DLGAP1: variants seen among roughly 807,000 people sequenced by gnomAD.
DLGAP1 encodes the protein disks large-associated protein 1.
In DLGAP1, 11 loss-of-function variants were observed where a neutral mutation model predicts 90.8. The observed-to-expected ratio is 0.12, with a 90% confidence interval of 0.08 to 0.20. DLGAP1 has a LOEUF of 0.20. Among genes scored for constraint, DLGAP1 ranks in the 10% least tolerant of loss-of-function variants. The probability of loss-of-function intolerance (pLI) is 1.00; values close to 1 mark genes in which losing one functional copy is unlikely to be tolerated. For missense variants in DLGAP1, 1,050 were observed against 1,333.8 expected (o/e 0.79, Z 3.31); for synonymous variants, 558 against 540.7 (o/e 1.03, Z -0.44).
At chr18:4,363,951 G>A (rs1473460294) in intron 1 of DLGAP1, among the ~76,000 whole-genome samples, 1 of 151,972 alleles carries the variant, frequency 6.6e-6, no homozygotes, top group Non-Finnish European at 1.5e-5. Flanking sequence ...AAAGACATAT[G>A]CACACGTATG....
chr18:3,543,873 G>C (rs1436356728), intron 9 of DLGAP1, among the ~76,000 whole-genome samples: 1 of 151,878 alleles, frequency 6.6e-6, no homozygotes, highest in Non-Finnish European at 1.5e-5. Flanking sequence ...TGGAAGAGGA[G>C]AGAACTGCAC....
At chr18:4,331,916 T>G (rs2080961225) in intron 1 of DLGAP1, among the ~76,000 whole-genome samples, 1 of 151,926 alleles carries the variant, frequency 6.6e-6, no homozygotes, top group African/African-American at 2.4e-5. Context: ...TGTCAGACAC[T>G]AAGCTTCATG....
intron 3 of DLGAP1, among the ~76,000 whole-genome samples, chr18:3,948,509 C>T (rs1167591433): frequency 2.6e-5 from 4 of 152,258 alleles, no homozygotes; most frequent in East Asian, 1.9e-4. Flanking sequence ...GTGGATCTAG[C>T]GTGTTGTCTT....
chr18:4,014,297 A>G (rs2074483445), intron 2 of DLGAP1, among the ~76,000 whole-genome samples: 1 of 151,908 alleles, frequency 6.6e-6, no homozygotes. Context: ...TGTTGGCCAG[A>G]TGGTCTCGAT....
intron 7 of DLGAP1, among the ~76,000 whole-genome samples, chr18:3,602,014 A>AAT (rs1939481156): frequency 6.6e-6 from 1 of 151,848 alleles, no homozygotes; most frequent in African/African-American, 2.4e-5. Flanking sequence ...TTCTCAAATG[A>AAT]ATGAATAAAT....
chr18:3,813,440 A>G (rs975881893), intron 5 of DLGAP1, among the ~76,000 whole-genome samples: 32 of 152,276 alleles, frequency 2.1e-4, no homozygotes, highest in Non-Finnish European at 3.2e-4. Context: ...TCGCTTAATG[A>G]TGCATTTCTC....
At chr18:3,664,353 A>G (rs1380857307) in intron 7 of DLGAP1, among the ~76,000 whole-genome samples, 2 of 152,178 alleles carry the variant, frequency 1.3e-5, no homozygotes, top group East Asian at 1.9e-4. Flanking sequence ...ATCATAAGGT[A>G]TAATATAATG....
chr18:3,849,438 A>AAGG (rs2069209860), intron 4 of DLGAP1, among the ~76,000 whole-genome samples: 1 of 152,062 alleles, frequency 6.6e-6, no homozygotes, highest in African/African-American at 2.4e-5. Context: ...GCAGGAAATA[A>AAGG]ACACTTTGAG....
chr18:3,581,737 C>A (rs2055531764), intron 8 of DLGAP1, 138 bp downstream of exon 8: 7 of 1,037,752 alleles, frequency 6.7e-6, no homozygotes, highest in Non-Finnish European at 5.7e-6. Context: ...AGTCCACAGC[C>A]AATCACTTGA....
At chr18:4,200,719 A>T (rs1468125903) in intron 1 of DLGAP1, among the ~76,000 whole-genome samples, 1 of 152,126 alleles carries the variant, frequency 6.6e-6, no homozygotes, top group Non-Finnish European at 1.5e-5. Flanking sequence ...TTATTTTAAG[A>T]CAAATGCCAC....
At chr18:4,265,749 G>A (rs1279715050) in intron 1 of DLGAP1, among the ~76,000 whole-genome samples, 1 of 148,872 alleles carries the variant, frequency 6.7e-6, no homozygotes, top group Non-Finnish European at 1.5e-5. Context: ...CTGCAATGGT[G>A]CACTCATGTC....
At chr18:4,269,185 C>T (rs1412260085) in intron 1 of DLGAP1, among the ~76,000 whole-genome samples, 1 of 151,550 alleles carries the variant, frequency 6.6e-6, no homozygotes, top group Non-Finnish European at 1.5e-5. Flanking sequence ...ATGTATCCAA[C>T]AAACGCCAGC....
At position 3,879,613 on chromosome 18, in the gene DLGAP1, C is replaced by T. The variant is rs2071096430; in HGVS notation, c.456G>A (p.Ser152=). The T allele has an allele frequency of 5.0e-6, 8 of 1,603,086 alleles. No individual in the cohort carries two copies. In the South Asian group the frequency reaches 6.6e-5, roughly 13 times the overall value. Residue 152 remains serine (S), a synonymous_variant, in exon 4 of 13, where the codon TCG becomes TCA. Coordinates refer to ENST00000315677, the MANE Select transcript of DLGAP1 (RefSeq NM_004746.4). This position sits in a 1 kb window ranked among gnomAD's most constrained non-coding sequence, Gnocchi z 6.6. ...CCTTGGACGGCCCCTCCAGGGAGTG[C>T]GACTTGGTGAAGAGCTTCTGGACCG... ...VHSVQKLFTK[S]HSLEGPSKGS...
rs34227245 is a variant in DLGAP1 at position 4,226,683 on chromosome 18, CAAA to C, written c.-266-75399_-266-75397del. Among the ~76,000 whole-genome samples the C allele has an allele frequency of 5.0e-3, 624 of 125,604 alleles. 5 individuals carry two copies. The highest frequency in any genetic ancestry group is 0.016 in the African/African-American group (571 of 34,812). The allele number at this position is 125,604 out of a possible 152,430, so 82.4% of individuals were successfully genotyped here. A position where few individuals can be genotyped will look rare whatever the true frequency, so the allele number is the denominator to read the frequency against. The stretch of plus-strand genomic sequence containing the variant: ...TTATTTGCAAGACTCATGGTAAACT[CAAA>C]AAAAAAAAAAAACAGTGTATACACA... On this transcript the variant is annotated intron_variant, in intron 1 of 12. Transcript: ENST00000315677.
At chr18:4,058,670 A>G (rs2075257593) in intron 2 of DLGAP1, among the ~76,000 whole-genome samples, 1 of 152,190 alleles carries the variant, frequency 6.6e-6, no homozygotes, top group Admixed American at 6.5e-5. Flanking sequence ...CTTGAATCCA[A>G]CATATAAAGG....
intron 4 of DLGAP1, 109 bp from the exon 5 acceptor site, chr18:3,814,382 G>C (rs980431618): frequency 2.4e-6 from 2 of 826,552 alleles, no homozygotes; most frequent in Non-Finnish European, 3.4e-6. Flanking sequence ...TTTTTTTTGA[G>C]ATGGGGTCTT....
intron 7 of DLGAP1, among the ~76,000 whole-genome samples, chr18:3,649,212 C>T (rs1225495192): frequency 2.6e-5 from 4 of 152,176 alleles, no homozygotes; most frequent in Non-Finnish European, 4.4e-5. Flanking sequence ...TGTTTGTTGC[C>T]TGAAAACCTT....
intron 3 of DLGAP1, chr18:3,978,272 A>T: frequency 2.5e-6 from 1 of 401,434 alleles, no homozygotes; most frequent in Middle Eastern, 9.6e-4. Flanking sequence ...CCCTTTTGGT[A>T]CCCCCTGCAA....
At chr18:4,003,295 C>T (rs560253067) in intron 3 of DLGAP1, among the ~76,000 whole-genome samples, 1 of 152,282 alleles carries the variant, frequency 6.6e-6, no homozygotes, top group South Asian at 2.1e-4. Context: ...GGGTCCAGAT[C>T]ACCTGGACAT....
Sources: gnomAD v4.1 joint callset for allele counts (sites outside exome capture counted in the v4.1 genomes callset) on GRCh38, gnomAD v4.1.1 for gene constraint, Gnocchi (gnomAD v3.1) non-coding constraint, MANE v1.5 for transcripts, NCBI Gene and HGNC (gene_info 2026-07-23, HGNC 2026-07-21) for gene names.